ANKS1B: variants seen among roughly 807,000 people sequenced by gnomAD.
ANKS1B encodes ankyrin repeat and sterile alpha motif domain-containing protein 1B.
In ANKS1B, 36 loss-of-function variants were observed where a neutral mutation model predicts 148.3. The ratio of observed to expected loss-of-function variants is 0.24; its 90% CI spans 0.19 to 0.32. The LOEUF (loss-of-function observed/expected upper bound fraction) is 0.32. ANKS1B is among the 10% of genes least tolerant of loss of function. ANKS1B has a pLI of 1.00. For missense variants in ANKS1B, 1,157 were observed against 1,542.6 expected (o/e 0.75, Z 4.19); for synonymous variants, 542 against 560.8 (o/e 0.97, Z 0.47).
At chr12:98,830,097 CAG>C (rs1017712672) in intron 18 of ANKS1B, among the ~76,000 whole-genome samples, 3 of 151,998 alleles carry the variant, frequency 2.0e-5, no homozygotes, top group African/African-American at 7.3e-5. Context: ...AAATCTCTTC[CAG>C]AGAGCCAGAA....
At chr12:98,971,936 G>A (rs1430924839) in intron 17 of ANKS1B, among the ~76,000 whole-genome samples, 2 of 152,168 alleles carry the variant, frequency 1.3e-5, no homozygotes, top group African/African-American at 4.8e-5. Flanking sequence ...GGGAGGCTGA[G>A]GCAGGTGGAT....
intron 12 of ANKS1B, among the ~76,000 whole-genome samples, chr12:99,264,573 G>C (rs910013983): frequency 6.6e-6 from 1 of 152,168 alleles, no homozygotes; most frequent in South Asian, 2.1e-4. Context: ...TCCATTTGAC[G>C]TTAGCATTTT....
intron 16 of ANKS1B, among the ~76,000 whole-genome samples, chr12:99,068,295 A>T (rs1333115481): frequency 6.6e-6 from 1 of 152,146 alleles, no homozygotes; most frequent in Non-Finnish European, 1.5e-5. Flanking sequence ...TGCGAACATC[A>T]GACAGTGTAC....
intron 17 of ANKS1B, among the ~76,000 whole-genome samples, chr12:98,859,679 A>G (rs1203247385): frequency 2.0e-5 from 3 of 152,252 alleles, no homozygotes; most frequent in Admixed American, 6.5e-5. Flanking sequence ...AATAGATAAT[A>G]TATGAAACAA....
intron 1 of ANKS1B, among the ~76,000 whole-genome samples, chr12:99,892,531 A>G (rs995261997): frequency 1.3e-5 from 2 of 152,220 alleles, no homozygotes; most frequent in Non-Finnish European, 2.9e-5. Flanking sequence ...CCAGAAGTGG[A>G]AAAAGCCAAG....
At chr12:99,331,636 T>C (rs764766876) in intron 12 of ANKS1B, among the ~76,000 whole-genome samples, 2 of 151,916 alleles carry the variant, frequency 1.3e-5, no homozygotes, top group African/African-American at 2.4e-5. Flanking sequence ...AAATTGGCCT[T>C]TGTAGGGGTG....
At chr12:99,877,085 C>T (rs2153733593) in intron 1 of ANKS1B, among the ~76,000 whole-genome samples, 1 of 152,108 alleles carries the variant, frequency 6.6e-6, no homozygotes, top group South Asian at 2.1e-4. Context: ...CACCTCATAC[C>T]CACTTCACCC....
chr12:99,520,770 T>C (rs2096867579), intron 9 of ANKS1B, among the ~76,000 whole-genome samples: 1 of 152,076 alleles, frequency 6.6e-6, no homozygotes, highest in African/African-American at 2.4e-5. Flanking sequence ...TTCTTTTGCT[T>C]CCTCTGACTG....
chr12:98,948,774 C>A lies in ANKS1B; in HGVS notation c.2778+104383G>T, dbSNP rs964222605. ...TGTCTCTCACACACCCACACCCCCC[C>A]CCACACACACACATGCTGGGATTTT... On this transcript the variant is annotated intron_variant, in intron 17 of 26. Coordinates refer to ENST00000683438, the MANE Select transcript of ANKS1B (RefSeq NM_001352186.2). Among the ~76,000 whole-genome samples the A allele has an allele frequency of 1.0e-4, 15 of 144,750 alleles. No individual in the cohort carries two copies. The East Asian group carries it at 2.6e-3, about 25-fold the overall frequency. 95.0% of individuals were successfully genotyped at this position (144,750 alleles called of 152,430 possible). A position where few individuals can be genotyped will look rare whatever the true frequency, so the allele number is the denominator to read the frequency against.
At chr12:99,134,628 G>GTC (rs773301655) in intron 15 of ANKS1B, among the ~76,000 whole-genome samples, 3,691 of 112,050 alleles carry the variant, frequency 0.033, 155 homozygotes, top group Middle Eastern at 0.047. Flanking sequence ...ATCCCTTTCT[G>GTC]TCTCTCTCTC....
intron 17 of ANKS1B, among the ~76,000 whole-genome samples, chr12:99,018,039 A>G (rs930416834): frequency 2.6e-5 from 4 of 152,202 alleles, no homozygotes; most frequent in Non-Finnish European, 4.4e-5. Context: ...ACATGCCCTC[A>G]AGCTGGCTCG....
intron 8 of ANKS1B, among the ~76,000 whole-genome samples, chr12:99,749,731 G>A (rs2060929855): frequency 6.6e-6 from 1 of 152,006 alleles, no homozygotes; most frequent in Non-Finnish European, 1.5e-5. Context: ...TTTTCCTTAA[G>A]GGAGTCAATA....
intron 9 of ANKS1B, among the ~76,000 whole-genome samples, chr12:99,624,412 A>C (rs2153381779): frequency 6.6e-6 from 1 of 152,266 alleles, no homozygotes; most frequent in Non-Finnish European, 1.5e-5. Context: ...TTGAGACCTA[A>C]TTAAAGAGCT....
At chr12:99,664,165 T>C (rs955764034) in intron 8 of ANKS1B, among the ~76,000 whole-genome samples, 4 of 152,032 alleles carry the variant, frequency 2.6e-5, no homozygotes, top group South Asian at 2.1e-4. Flanking sequence ...TTTTTTTTTT[T>C]CAACAAGACA....
chr12:99,895,034 T>C (rs1172753996), intron 1 of ANKS1B, among the ~76,000 whole-genome samples: 1 of 150,912 alleles, frequency 6.6e-6, no homozygotes, highest in Non-Finnish European at 1.5e-5. Context: ...ATAGTTAATT[T>C]TATATGTCAA....
intron 11 of ANKS1B, among the ~76,000 whole-genome samples, chr12:99,435,963 C>G (rs893816928): frequency 6.6e-6 from 1 of 151,912 alleles, no homozygotes; most frequent in African/African-American, 2.4e-5. Flanking sequence ...CTGTTGCCTT[C>G]TTTCTCATTT....
At chr12:99,111,872 G>C (rs1016812006) in intron 15 of ANKS1B, among the ~76,000 whole-genome samples, 1 of 151,926 alleles carries the variant, frequency 6.6e-6, no homozygotes, top group African/African-American at 2.4e-5. Flanking sequence ...AGATCATCAC[G>C]CTTGAGGATA....
rs527803457 is a variant in ANKS1B, at chr12:99,033,433, C to T, written c.2778+19724G>A. Among the ~76,000 whole-genome samples, 31 of 152,172 alleles carry T rather than the reference C, an allele frequency of 2.0e-4. No homozygotes were observed. The South Asian group carries it at 6.4e-3, about 32-fold the overall frequency. On this transcript the variant is annotated intron_variant, in intron 17 of 26. Coordinates refer to ENST00000683438, the MANE Select transcript of ANKS1B (RefSeq NM_001352186.2). ...CCATTTATACTCCAGGGTGGTAGAG[C>T]CAAATGCTTATAGAGACCTTCTCTG...
chr12:99,238,038 G>A (rs1326348515), intron 14 of ANKS1B, among the ~76,000 whole-genome samples: 2 of 152,222 alleles, frequency 1.3e-5, no homozygotes, highest in African/African-American at 4.8e-5. Flanking sequence ...TCATCTCATT[G>A]AGACTGGTTG....
Sources: gnomAD v4.1 joint callset for allele counts (sites outside exome capture counted in the v4.1 genomes callset) on GRCh38, gnomAD v4.1.1 for gene constraint, MANE v1.5 for transcripts, NCBI Gene and HGNC (gene_info 2026-07-23, HGNC 2026-07-21) for gene names.